The following SLC4A4 variants were observed in gnomAD, a reference collection of about 807,000 sequenced individuals.
SLC4A4 encodes the protein solute carrier family 4 member 4, also known as electrogenic sodium bicarbonate cotransporter 1.
Under a neutral mutation model 111.5 loss-of-function variants are expected in SLC4A4, and 27 were observed. The ratio of observed to expected loss-of-function variants is 0.24; its 90% CI spans 0.18 to 0.33. The LOEUF is 0.33. Ranked by LOEUF, SLC4A4 falls within the 10% of genes least tolerant of loss-of-function variation. SLC4A4 has a pLI of 1.00. For synonymous variants in SLC4A4, 443 were observed against 463.4 expected (o/e 0.96, Z 0.57); for missense variants, 909 against 1,315.5 (o/e 0.69, Z 4.78).
intron 16 of SLC4A4, among the ~76,000 whole-genome samples, chr4:71,504,225 C>T (rs1239918022): frequency 6.6e-6 from 1 of 152,110 alleles, no homozygotes; most frequent in Non-Finnish European, 1.5e-5. Context: ...GGTTTTCAGT[C>T]ATTATTTTGT....
chr4:71,362,380 T>C lies in SLC4A4; in HGVS notation c.730+5193T>C, dbSNP rs7686709. On this transcript the variant is annotated intron_variant, in intron 6 of 25. Coordinates refer to ENST00000264485, the MANE Select transcript of SLC4A4 (RefSeq NM_001098484.3). ...ATTTAGTAGTTGCTCTTGATGTCTG[T>C]GAAAGAGAGATAATGAAAAGTAAGA... Among the ~76,000 whole-genome samples, 1,384 of 152,328 alleles carry C rather than the reference T, an allele frequency of 9.1e-3. 24 individuals carry two copies. The highest frequency in any genetic ancestry group is 0.032 in the African/African-American group (1,332 of 41,564).
intron 2 of SLC4A4, among the ~76,000 whole-genome samples, chr4:71,247,850 A>C (rs1435681788): frequency 6.6e-6 from 1 of 151,408 alleles, no homozygotes; most frequent in East Asian, 2.0e-4. Flanking sequence ...GCTCACTCTG[A>C]GCACTGTTCT....
At chr4:71,161,994 A>C (rs1169336631) in intron 2 of SLC4A4, among the ~76,000 whole-genome samples, 1 of 152,192 alleles carries the variant, frequency 6.6e-6, no homozygotes, top group Non-Finnish European at 1.5e-5. Flanking sequence ...TTGCAATTCC[A>C]TAGGAAATAA....
chr4:71,511,995 C>T (rs903896333), intron 16 of SLC4A4, among the ~76,000 whole-genome samples: 1 of 152,108 alleles, frequency 6.6e-6, no homozygotes, highest in Non-Finnish European at 1.5e-5. Context: ...GTATATGTCA[C>T]ATTTTCTTTA....
chr4:71,219,637 G>A (rs1376454968), intron 1 of SLC4A4, among the ~76,000 whole-genome samples: 1 of 152,156 alleles, frequency 6.6e-6, no homozygotes, highest in Non-Finnish European at 1.5e-5. Flanking sequence ...TTTCTCTGAT[G>A]GGTCTGGGCA....
intron 2 of SLC4A4, among the ~76,000 whole-genome samples, chr4:71,242,902 A>G (rs1054395197): frequency 6.6e-6 from 1 of 152,100 alleles, no homozygotes; most frequent in Non-Finnish European, 1.5e-5. Flanking sequence ...TATATTGGAA[A>G]ACTAAAGCCA....
intron 2 of SLC4A4, among the ~76,000 whole-genome samples, chr4:71,112,878 TC>T (rs1743132970): frequency 6.6e-6 from 1 of 152,216 alleles, no homozygotes; most frequent in Admixed American, 6.5e-5. Flanking sequence ...TAGTGATCAT[TC>T]TTGAGATTTT....
chr4:71,167,078 T>C (rs891584281), intron 2 of SLC4A4, among the ~76,000 whole-genome samples: 4 of 152,106 alleles, frequency 2.6e-5, no homozygotes, highest in African/African-American at 9.7e-5. Flanking sequence ...TTATTCTTCA[T>C]AGTGGTTAGG....
At chr4:71,507,166 C>A (rs1731492884) in intron 16 of SLC4A4, among the ~76,000 whole-genome samples, 1 of 152,138 alleles carries the variant, frequency 6.6e-6, no homozygotes, top group Non-Finnish European at 1.5e-5. Context: ...ACCAGTGACA[C>A]CATAAGGCGA....
intron 2 of SLC4A4, among the ~76,000 whole-genome samples, chr4:71,113,862 T>C (rs1743168865): frequency 1.3e-5 from 2 of 152,182 alleles, no homozygotes; most frequent in Non-Finnish European, 2.9e-5. Context: ...TTAGAAGCCA[T>C]TTTTCCTGTT....
At chr4:71,252,569 C>G (rs1235367128) in intron 2 of SLC4A4, among the ~76,000 whole-genome samples, 1 of 152,184 alleles carries the variant, frequency 6.6e-6, no homozygotes, top group Non-Finnish European at 1.5e-5. Flanking sequence ...GCTTGATTTC[C>G]TCTGGCAGTT....
At position 71,546,365 on chromosome 4, in the gene SLC4A4, C is replaced by A; in HGVS notation, c.2458C>A (p.His820Asn). The change falls in exon 19 of 26, where the codon CAC becomes AAC. Residue 820 changes from histidine (H) to asparagine (N), a missense_variant. This residue lies in a region of SLC4A4 where 264 missense variants were observed against 356.8 expected (regional missense o/e 0.74). Coordinates refer to ENST00000264485, the MANE Select transcript of SLC4A4 (RefSeq NM_001098484.3). ...CTTTCTACAGAAAGGAGCAGGGTAT[C>A]ACTTGGATCTCTTTTGGGTGGCCAT... ...EHKLKKGAGY[H>N]LDLFWVAILM... 1 of 1,612,542 alleles carries A rather than the reference C, an allele frequency of 6.2e-7. No individual in the cohort carries two copies. Among genetic ancestry groups the A allele is most frequent in the Non-Finnish European group, 8.5e-7 (1 of 1,178,858 alleles).
chr4:71,553,368 A>G (rs991039586), intron 20 of SLC4A4, among the ~76,000 whole-genome samples: 6 of 151,888 alleles, frequency 4.0e-5, no homozygotes, highest in Non-Finnish European at 7.4e-5. Context: ...AGTGTCCTTC[A>G]CTTTGACATT....
chr4:71,080,565 C>T (rs1297662879), intron 1 of SLC4A4, among the ~76,000 whole-genome samples: 1 of 152,110 alleles, frequency 6.6e-6, no homozygotes, highest in Non-Finnish European at 1.5e-5. Context: ...AGAATGGTCT[C>T]AGGTGTTTTC....
intron 2 of SLC4A4, among the ~76,000 whole-genome samples, chr4:71,163,507 TATCTC>T (rs1363120500): frequency 2.0e-5 from 3 of 152,240 alleles, no homozygotes; most frequent in Non-Finnish European, 4.4e-5. Context: ...ATAAGTGACT[TATCTC>T]AGTCGGCTTC....
chr4:71,209,341 A>G (rs950396034), intron 1 of SLC4A4, among the ~76,000 whole-genome samples: 5 of 152,248 alleles, frequency 3.3e-5, no homozygotes, highest in African/African-American at 1.2e-4. Flanking sequence ...AATGTGTAAC[A>G]GTCTACTGGG....
chr4:71,252,284 T>C (rs1180844539), intron 2 of SLC4A4, among the ~76,000 whole-genome samples: 1 of 152,204 alleles, frequency 6.6e-6, no homozygotes, highest in East Asian at 1.9e-4. Flanking sequence ...ATTAAGTATT[T>C]GATTGTCCCT....
At chr4:71,543,580 G>A (rs1211299890) in intron 18 of SLC4A4, among the ~76,000 whole-genome samples, 9 of 151,954 alleles carry the variant, frequency 5.9e-5, no homozygotes. Flanking sequence ...TTGGACATAT[G>A]TAACTCAAAC....
intron 2 of SLC4A4, among the ~76,000 whole-genome samples, chr4:71,170,995 T>A (rs1379247497): frequency 3.3e-5 from 5 of 151,874 alleles, no homozygotes; most frequent in Non-Finnish European, 7.4e-5. Context: ...TGGTGAGAAA[T>A]CTAGGCTGAG....
Sources: gnomAD v4.1 joint callset for allele counts (sites outside exome capture counted in the v4.1 genomes callset) on GRCh38, gnomAD v4.1.1 for gene constraint, gnomAD v4.1.1 regional missense constraint, MANE v1.5 for transcripts, NCBI Gene and HGNC (gene_info 2026-07-23, HGNC 2026-07-21) for gene names.